The following MARCHF1 variants were observed in gnomAD, a reference collection of about 807,000 sequenced individuals.
The protein encoded by MARCHF1 is E3 ubiquitin-protein ligase MARCHF1.
MARCHF1 carries 40 observed loss-of-function variants against 54.2 expected under a neutral mutation model. The ratio of observed to expected loss-of-function variants is 0.74; its 90% CI spans 0.57 to 0.96. The LOEUF is 0.96. MARCHF1 is among the 40% of genes least tolerant of loss of function. MARCHF1 has a pLI of 0.00. For missense variants in MARCHF1, 586 were observed against 656.5 expected, an observed-to-expected ratio of 0.89 and a Z score of 1.17; for synonymous variants, 236 against 236.3, an observed-to-expected ratio of 1.00 and a Z score of 0.01.
chr4:164,170,990 A>G (rs1005542583), intron 1 of MARCHF1, among the ~76,000 whole-genome samples: 4 of 152,168 alleles, frequency 2.6e-5, no homozygotes, highest in Non-Finnish European at 4.4e-5. Context: ...TTAAAATGGA[A>G]TAATTAGTTA....
chr4:163,994,760 C>CACACACAA (rs1553968528), intron 2 of MARCHF1, among the ~76,000 whole-genome samples: 17 of 123,392 alleles, frequency 1.4e-4, no homozygotes, highest in African/African-American at 5.0e-4. Flanking sequence ...CACACACACA[C>CACACACAA]ACACACACAC....
intron 3 of MARCHF1, among the ~76,000 whole-genome samples, chr4:163,917,775 C>G (rs1333517967): frequency 1.3e-5 from 2 of 152,024 alleles, no homozygotes; most frequent in African/African-American, 4.8e-5. Context: ...TATTCTCTCT[C>G]TCACCGCTTA....
intron 2 of MARCHF1, among the ~76,000 whole-genome samples, chr4:164,098,524 T>C (rs1303430859): frequency 6.6e-6 from 1 of 152,242 alleles, no homozygotes; most frequent in Non-Finnish European, 1.5e-5. Flanking sequence ...TCTTATTTCA[T>C]GCTGTGACAT....
chr4:163,531,633 GAATA>G (rs1023040231), intron 9 of MARCHF1, among the ~76,000 whole-genome samples: 4 of 151,386 alleles, frequency 2.6e-5, no homozygotes, highest in South Asian at 2.1e-4. Context: ...GATTGAGAAA[GAATA>G]AATAAAACTA....
intron 1 of MARCHF1, chr4:164,189,765 G>C: frequency 7.4e-7 from 1 of 1,350,020 alleles, no homozygotes; most frequent in Non-Finnish European, 1.1e-6. Flanking sequence ...CATAATCAAG[G>C]TCTATGAGGA....
At position 164,335,446 on chromosome 4, in the gene MARCHF1, G is replaced by A. The variant is rs112802216; in HGVS notation, c.-323+48424C>T. Among the ~76,000 whole-genome samples the A allele has an allele frequency of 1.3e-3, 195 of 152,260 alleles. 1 individual carries two copies. Among genetic ancestry groups the A allele is most frequent in the Middle Eastern group, 6.8e-3 (2 of 294 alleles). On this transcript the variant is annotated intron_variant, in intron 1 of 9. Coordinates refer to ENST00000514618, the MANE Select transcript of MARCHF1 (RefSeq NM_001394959.1). ...AAATACGAAAAATTAACTGGGCGTG[G>A]TGGCTTGCGCCTATAGTCCCAGCTA...
chr4:163,761,948 C>T (rs1205915326), intron 4 of MARCHF1, among the ~76,000 whole-genome samples: 3 of 152,102 alleles, frequency 2.0e-5, no homozygotes, highest in Admixed American at 6.6e-5. Context: ...ATTTATATTT[C>T]TCAATACATT....
chr4:163,705,746 C>T (rs1173877301), intron 4 of MARCHF1, among the ~76,000 whole-genome samples: 1 of 151,850 alleles, frequency 6.6e-6, no homozygotes, highest in East Asian at 1.9e-4. Context: ...AATACAGAAA[C>T]TACAAAAATT....
chr4:164,237,965 A>T (rs1732613492), intron 1 of MARCHF1, among the ~76,000 whole-genome samples: 1 of 152,106 alleles, frequency 6.6e-6, no homozygotes. Flanking sequence ...AGAAATTTTA[A>T]AATTATTGAT....
intron 4 of MARCHF1, among the ~76,000 whole-genome samples, chr4:163,835,811 T>A (rs113125416): frequency 9.1e-4 from 139 of 152,360 alleles, no homozygotes; most frequent in Non-Finnish European, 1.8e-3. Context: ...ACATGCATTT[T>A]ACAAAAGTAC....
At chr4:163,895,158 T>C (rs1052309033) in intron 3 of MARCHF1, among the ~76,000 whole-genome samples, 2 of 152,198 alleles carry the variant, frequency 1.3e-5, no homozygotes, top group African/African-American at 2.4e-5. Context: ...ATATAAGACG[T>C]ATGTGTGTAT....
chr4:163,756,245 T>G (rs773367392), intron 4 of MARCHF1, among the ~76,000 whole-genome samples: 1 of 152,108 alleles, frequency 6.6e-6, no homozygotes, highest in Non-Finnish European at 1.5e-5. Flanking sequence ...GGAGCCAGAA[T>G]GTAATCCTAT....
chr4:164,010,115 G>T (rs973208855), intron 2 of MARCHF1, among the ~76,000 whole-genome samples: 1 of 141,326 alleles, frequency 7.1e-6, no homozygotes, highest in East Asian at 2.1e-4. Flanking sequence ...CATGCAGGCT[G>T]GACTGCAGTG....
intron 8 of MARCHF1, among the ~76,000 whole-genome samples, chr4:163,563,097 A>T (rs969572773): frequency 9.2e-5 from 14 of 152,188 alleles, no homozygotes; most frequent in African/African-American, 3.4e-4. Flanking sequence ...TTCCTTATCT[A>T]ATACCTGTAA....
intron 2 of MARCHF1, among the ~76,000 whole-genome samples, chr4:164,033,743 GA>G (rs755175543): frequency 2.6e-5 from 4 of 152,162 alleles, no homozygotes; most frequent in Non-Finnish European, 4.4e-5. Flanking sequence ...ATGCCAGTCA[GA>G]ACGGCAATTA....
intron 1 of MARCHF1, among the ~76,000 whole-genome samples, chr4:164,125,402 A>G (rs1200445698): frequency 5.3e-5 from 8 of 152,182 alleles, no homozygotes; most frequent in Non-Finnish European, 8.8e-5. Context: ...AGTTTAGAAT[A>G]GCAATCAAGC....
intron 1 of MARCHF1, chr4:164,235,052 C>T (rs1732509242): frequency 1.3e-5 from 2 of 152,096 alleles, no homozygotes; most frequent in Admixed American, 6.6e-5. Context: ...CCTTCCTTTA[C>T]ATCTCTTTCT....
chr4:163,801,896 T>C (rs1043497827), intron 4 of MARCHF1, among the ~76,000 whole-genome samples: 1 of 152,092 alleles, frequency 6.6e-6, no homozygotes, highest in African/African-American at 2.4e-5. Context: ...CGTTTATCAG[T>C]TGGGGTGTTT....
intron 5 of MARCHF1, among the ~76,000 whole-genome samples, chr4:163,663,154 T>C (rs1454323024): frequency 6.6e-6 from 1 of 152,036 alleles, no homozygotes; most frequent in Non-Finnish European, 1.5e-5. Flanking sequence ...TTTTTATCTC[T>C]CTGTGTGGAT....
Sources: allele counts gnomAD v4.1 joint callset (sites outside exome capture counted in the v4.1 genomes callset), GRCh38; gene constraint gnomAD v4.1.1; transcripts MANE v1.5; gene names NCBI Gene and HGNC (gene_info 2026-07-23, HGNC 2026-07-21).